ASB4: variants seen among roughly 807,000 people sequenced by gnomAD.
ASB4 encodes ankyrin repeat and SOCS box containing 4, also known as ankyrin repeat and SOCS box protein 4.
ASB4 carries 35 observed loss-of-function variants against 38.6 expected under a neutral mutation model. The observed-to-expected ratio is 0.91, with a 90% CI of 0.69 to 1.20. ASB4 has a LOEUF of 1.20. Among genes scored for constraint, ASB4 ranks in the 50% most tolerant of loss-of-function variants. The pLI is 0.00. For missense variants in ASB4, 557 were observed against 527.2 expected (o/e 1.06, Z -0.55); for synonymous variants, 195 against 201.3 (o/e 0.97, Z 0.26).
intron 3 of ASB4, among the ~76,000 whole-genome samples, chr7:95,533,285 A>G (rs1790843823): frequency 6.6e-6 from 1 of 152,308 alleles, no homozygotes; most frequent in African/African-American, 2.4e-5. Flanking sequence ...AGTAGTAAAG[A>G]TGATATTCTG....
At chr7:95,546,281 G>C in the ASB4 span, among the ~76,000 whole-genome samples, 2 of 152,200 alleles carry the variant, frequency 1.3e-5, no homozygotes, top group East Asian at 3.9e-4. Flanking sequence ...GTGAGCATAT[G>C]AATAGATATT....
At chr7:95,516,914 A>G (rs1366085585) in intron 2 of ASB4, among the ~76,000 whole-genome samples, 1 of 152,132 alleles carries the variant, frequency 6.6e-6, no homozygotes, top group Non-Finnish European at 1.5e-5. Context: ...AATGGTGTTC[A>G]CTTTCAGCTT....
intron 2 of ASB4, among the ~76,000 whole-genome samples, chr7:95,499,428 A>G (rs1790298800): frequency 6.6e-6 from 1 of 152,254 alleles, no homozygotes; most frequent in Non-Finnish European, 1.5e-5. Flanking sequence ...ACACAAGGAC[A>G]AAGAAAGAGG....
At chr7:95,523,322 A>G (rs1247077856) in intron 2 of ASB4, among the ~76,000 whole-genome samples, 2 of 152,230 alleles carry the variant, frequency 1.3e-5, no homozygotes, top group Non-Finnish European at 1.5e-5. Flanking sequence ...GTTTATAGCA[A>G]TTATGATAGC....
chr7:95,514,251 C>G (rs1024983203), intron 2 of ASB4, among the ~76,000 whole-genome samples: 4 of 152,158 alleles, frequency 2.6e-5, no homozygotes, highest in Admixed American at 6.5e-5. Flanking sequence ...ATTTCTGTCT[C>G]ACCGACACTA....
intron 1 of ASB4, 26 bp from the exon 2 acceptor site, chr7:95,495,732 C>A (rs1438752721): frequency 4.7e-6 from 7 of 1,504,078 alleles, no homozygotes; most frequent in Non-Finnish European, 6.2e-6. Flanking sequence ...TTAAACTTTC[C>A]TTTTCCTTTT....
At chr7:95,481,349 T>C (rs369296773), upstream of ASB4, among the ~76,000 whole-genome samples, 1 of 148,592 alleles carries the variant, frequency 6.7e-6, no homozygotes. Flanking sequence ...TATAAAAGAA[T>C]AGCAAAAAAA....
At chr7:95,487,565 A>G (rs78446092) in intron 1 of ASB4, among the ~76,000 whole-genome samples, 2 of 152,178 alleles carry the variant, frequency 1.3e-5, no homozygotes, top group Non-Finnish European at 2.9e-5. Flanking sequence ...TTCTGAGGAT[A>G]TAAGAAACCA....
chr7:95,481,339 T>C (rs1164299191), upstream of ASB4, among the ~76,000 whole-genome samples: 1 of 150,730 alleles, frequency 6.6e-6, no homozygotes, highest in African/African-American at 2.5e-5. Flanking sequence ...AACACTAACC[T>C]ATAAAAGAAT....
At chr7:95,506,074 T>G (rs979390681) in intron 2 of ASB4, among the ~76,000 whole-genome samples, 4 of 152,030 alleles carry the variant, frequency 2.6e-5, no homozygotes, top group African/African-American at 9.7e-5. Flanking sequence ...TAAAAAATTA[T>G]TTTTAGTAGA....
At chr7:95,531,362 A>C (rs971596656) in intron 3 of ASB4, among the ~76,000 whole-genome samples, 1 of 152,180 alleles carries the variant, frequency 6.6e-6, no homozygotes, top group African/African-American at 2.4e-5. Flanking sequence ...CACAAAGCAT[A>C]ATTTTCTGCA....
At chr7:95,522,185 A>G (rs1475479382) in intron 2 of ASB4, among the ~76,000 whole-genome samples, 1 of 152,150 alleles carries the variant, frequency 6.6e-6, no homozygotes, top group Non-Finnish European at 1.5e-5. Context: ...TAACTATAGC[A>G]TTTTAAATAA....
chr7:95,533,675 A>G (rs956798319), intron 3 of ASB4, among the ~76,000 whole-genome samples: 9 of 152,012 alleles, frequency 5.9e-5, no homozygotes, highest in African/African-American at 1.7e-4. Flanking sequence ...TTAAATCCTG[A>G]CTCTACCATT....
chr7:95,495,781 T>C lies in ASB4; in HGVS notation c.211T>C (p.Leu71=), dbSNP rs114296603. ...KQGYWLPSYK[L]KSSWATGLHL... is the part of the protein sequence containing the mutation. The stretch of plus-strand genomic sequence containing the variant: ...AGGTTACTGGTTGCCTAGCTATAAA[T>C]TGAAGTCTTCCTGGGCCACAGGCCT... The change falls in exon 2 of 5, where the codon TTG becomes CTG. Residue 71 remains leucine, a synonymous_variant. Coordinates refer to ENST00000325885, the MANE Select transcript of ASB4 (RefSeq NM_016116.3). 6.5e-5 allele frequency: 104 copies of C among 1,608,692 alleles called. 1 individual carries two copies. The African/African-American group carries it at 1.1e-3, about 16-fold the overall frequency.
intron 3 of ASB4, chr7:95,528,560 G>A (rs897229561): frequency 7.1e-7 from 1 of 1,412,464 alleles, no homozygotes; most frequent in African/African-American, 1.4e-5. Context: ...GTGAACACCA[G>A]TGCACTGGTG....
At chr7:95,481,907 G>A (rs1790024070), upstream of ASB4, among the ~76,000 whole-genome samples, 1 of 152,154 alleles carries the variant, frequency 6.6e-6, no homozygotes, top group Non-Finnish European at 1.5e-5. Flanking sequence ...ATTTTTAAGA[G>A]CTGAGGAGAC....
intron 2 of ASB4, among the ~76,000 whole-genome samples, chr7:95,526,052 C>T (rs1325877069): frequency 6.6e-6 from 1 of 152,008 alleles, no homozygotes; most frequent in Non-Finnish European, 1.5e-5. Flanking sequence ...TAACAAAATG[C>T]AATGTTATCT....
At chr7:95,535,892 C>T (rs1424235280) in intron 3 of ASB4, among the ~76,000 whole-genome samples, 1 of 152,134 alleles carries the variant, frequency 6.6e-6, no homozygotes, top group African/African-American at 2.4e-5. Flanking sequence ...CTCGTGGTCA[C>T]CAGTGAATCT....
At chr7:95,512,840 G>A (rs1714999021) in intron 2 of ASB4, among the ~76,000 whole-genome samples, 1 of 152,176 alleles carries the variant, frequency 6.6e-6, no homozygotes, top group Non-Finnish European at 1.5e-5. Context: ...GATTCTATCA[G>A]TGCGTTAGGA....
Sources: gnomAD v4.1 joint callset for allele counts (sites outside exome capture counted in the v4.1 genomes callset) on GRCh38, gnomAD v4.1.1 for gene constraint, MANE v1.5 for transcripts, NCBI Gene and HGNC (gene_info 2026-07-23, HGNC 2026-07-21) for gene names.